Variants in RBFOX1 observed in about 807,000 individuals in gnomAD.
RBFOX1 encodes the protein RNA binding protein fox-1 homolog 1.
RBFOX1 carries 8 observed loss-of-function variants against 57.7 expected under a neutral mutation model. The observed-to-expected ratio is 0.14, with a 90% CI of 0.08 to 0.25. The LOEUF is 0.25. Among genes scored for constraint, RBFOX1 ranks in the 10% least tolerant of loss-of-function variants. The pLI, the probability that RBFOX1 is intolerant of heterozygous loss-of-function variation, is 1.00. For missense variants in RBFOX1, 611 were observed against 548.5 expected (o/e 1.11, Z -1.14); for synonymous variants, 326 against 222.4 (o/e 1.47, Z -4.15).
chr16:7,101,205 A>G (rs1567258621), intron 4 of RBFOX1, among the ~76,000 whole-genome samples: 1 of 152,166 alleles, frequency 6.6e-6, no homozygotes, highest in South Asian at 2.1e-4. Flanking sequence ...TGCAGGCCCC[A>G]TTTTTGTGAC....
intron 4 of RBFOX1, among the ~76,000 whole-genome samples, chr16:7,150,526 G>C (rs1017451625): frequency 1.2e-4 from 18 of 152,196 alleles, no homozygotes; most frequent in African/African-American, 4.1e-4. Context: ...CATGAAGAAA[G>C]TAAGGGATGG....
intron 3 of RBFOX1, among the ~76,000 whole-genome samples, chr16:6,944,303 G>T (rs1275738586): frequency 6.6e-6 from 1 of 151,712 alleles, no homozygotes; most frequent in Non-Finnish European, 1.5e-5. Flanking sequence ...GCTGAGGCAG[G>T]AGAATCGCTT....
intron 4 of RBFOX1, among the ~76,000 whole-genome samples, chr16:7,462,484 C>G (rs2059763302): frequency 1.3e-5 from 2 of 152,354 alleles, no homozygotes; most frequent in Middle Eastern, 3.4e-3. Flanking sequence ...CAGCAAAACT[C>G]TGTTTCAAAA....
intron 1 of RBFOX1, among the ~76,000 whole-genome samples, chr16:6,257,256 C>T (rs2097673797): frequency 6.6e-6 from 1 of 151,988 alleles, no homozygotes; most frequent in South Asian, 2.1e-4. Context: ...TATCCCGATG[C>T]TCTCCCTCCC....
At chr16:7,006,815 C>G (rs1195211387) in intron 3 of RBFOX1, among the ~76,000 whole-genome samples, 3 of 152,084 alleles carry the variant, frequency 2.0e-5, no homozygotes, top group Non-Finnish European at 4.4e-5. Flanking sequence ...AGTCACCTGC[C>G]CAAGAACCCT....
At chr16:5,488,724 G>T (rs1400981540) in intron 2 of RBFOX1, among the ~76,000 whole-genome samples, 1 of 150,866 alleles carries the variant, frequency 6.6e-6, no homozygotes, top group Admixed American at 6.6e-5. Flanking sequence ...CTGGTGGGGT[G>T]CGATGGTGAT....
chr16:6,036,423 G>T (rs1478240075), intron 1 of RBFOX1, among the ~76,000 whole-genome samples: 1 of 151,976 alleles, frequency 6.6e-6, no homozygotes, highest in Non-Finnish European at 1.5e-5. Context: ...GCTTTTTTGG[G>T]GAGGGGTGGA....
At chr16:6,865,719 C>T (rs540681630) in intron 3 of RBFOX1, among the ~76,000 whole-genome samples, 3 of 152,258 alleles carry the variant, frequency 2.0e-5, no homozygotes, top group African/African-American at 4.8e-5. Flanking sequence ...TTTTGCCTCT[C>T]ATTTGCTATT....
intron 14 of RBFOX1, among the ~76,000 whole-genome samples, chr16:7,700,175 T>C (rs943960393): frequency 1.3e-5 from 2 of 152,072 alleles, no homozygotes; most frequent in African/African-American, 4.8e-5. Flanking sequence ...CTGACACATG[T>C]ACCCCTGGGG....
intron 3 of RBFOX1, among the ~76,000 whole-genome samples, chr16:6,895,479 T>A (rs887295196): frequency 9.8e-6 from 1 of 102,370 alleles, no homozygotes; most frequent in African/African-American, 3.8e-5. Context: ...TATATATATA[T>A]ATATATATTT....
chr16:5,461,160 C>T (rs1415454232), intron 1 of RBFOX1, among the ~76,000 whole-genome samples: 2 of 152,160 alleles, frequency 1.3e-5, no homozygotes, highest in African/African-American at 4.8e-5. Flanking sequence ...GGTGACTGAA[C>T]CCCGTCGTGG....
intron 1 of RBFOX1, among the ~76,000 whole-genome samples, chr16:6,220,074 T>TTA (rs1567706739): frequency 6.6e-6 from 1 of 152,094 alleles, no homozygotes; most frequent in African/African-American, 2.4e-5. Flanking sequence ...ATAAATGTAT[T>TTA]TATCTATATT....
Position 5,623,096 on chromosome 16 carries a change from A to T in RBFOX1, c.318+24135A>T, listed in dbSNP as rs546025316. 2.6e-5 allele frequency among the ~76,000 whole-genome samples: 4 copies of T among 152,296 alleles called. No individual in the cohort carries two copies. In the South Asian group the frequency reaches 8.3e-4, roughly 32 times the overall value. ...ACCAACCCCTCATGAACACCAAGGG[A>T]TGACTGTGCTGTCTGGCCATTTCAG... On this transcript the variant is annotated intron_variant, in intron 3 of 19. Transcript: ENST00000641259.
intron 9 of RBFOX1, 46 bp downstream of exon 9, chr16:7,597,477 C>G: frequency 6.8e-7 from 1 of 1,472,098 alleles, no homozygotes; most frequent in Non-Finnish European, 9.4e-7. Flanking sequence ...CTACTTCTGA[C>G]TCTTTAAGTA....
chr16:7,215,657 T>TC (rs1340330395), intron 4 of RBFOX1, among the ~76,000 whole-genome samples: 5 of 151,698 alleles, frequency 3.3e-5, no homozygotes, highest in African/African-American at 9.7e-5. Context: ...TAGCATTTCT[T>TC]CCCCCAGTTC....
chr16:7,327,583 G>A (rs1011368571), intron 4 of RBFOX1, among the ~76,000 whole-genome samples: 1 of 152,164 alleles, frequency 6.6e-6, no homozygotes, highest in Admixed American at 6.5e-5. Context: ...GTTCTGTTTT[G>A]ATAGTCAACA....
chr16:7,416,017 T>A (rs2098474325), intron 4 of RBFOX1, among the ~76,000 whole-genome samples: 1 of 152,156 alleles, frequency 6.6e-6, no homozygotes, highest in African/African-American at 2.4e-5. Flanking sequence ...GCAGAGATGA[T>A]CTCCTCTTTG....
At chr16:7,126,412 A>C in intron 4 of RBFOX1, 1 of 232,922 alleles carries the variant, frequency 4.3e-6, no homozygotes, top group South Asian at 6.5e-5. Flanking sequence ...TGAACTGTGC[A>C]GCTCACACAG....
At chr16:6,541,787 A>G (rs8052345) in intron 2 of RBFOX1, among the ~76,000 whole-genome samples, 150,172 of 152,232 alleles carry the variant, frequency 0.99, 74,109 homozygotes, top group Middle Eastern at 1. Context: ...TATGAGGACT[A>G]GACCCTAGAC....
Sources: gnomAD v4.1 joint callset for allele counts (sites outside exome capture counted in the v4.1 genomes callset) on GRCh38, gnomAD v4.1.1 for gene constraint, MANE v1.5 for transcripts, NCBI Gene and HGNC (gene_info 2026-07-23, HGNC 2026-07-21) for gene names.